The following LYPLAL1 variants were observed in gnomAD, a reference collection of about 807,000 sequenced individuals.
LYPLAL1 encodes lysophospholipase like 1, also known as lysophospholipase-like protein 1.
Under a neutral mutation model 19.7 loss-of-function variants are expected in LYPLAL1, and 23 were observed. The observed-to-expected ratio is 1.17, with a 90% CI of 0.84 to 1.65. The LOEUF is 1.65. Ranked by LOEUF, LYPLAL1 falls within the 40% of genes most tolerant of loss-of-function variation. The pLI, the probability that LYPLAL1 is intolerant of heterozygous loss-of-function variation, is 0.00. For missense variants in LYPLAL1, 355 were observed against 279.4 expected (o/e 1.27, Z -1.93); for synonymous variants, 119 against 96.3 (o/e 1.24, Z -1.38).
chr1:219,346,837 G>A, the LYPLAL1 span, among the ~76,000 whole-genome samples: 1 of 152,222 alleles, frequency 6.6e-6, no homozygotes, highest in African/African-American at 2.4e-5. Context: ...GGGAAACAGA[G>A]ACCAGGAAGA....
chr1:219,411,208 T>G, the LYPLAL1 span, among the ~76,000 whole-genome samples: 1 of 121,662 alleles, frequency 8.2e-6, no homozygotes, highest in Non-Finnish European at 1.9e-5. Context: ...GGTTTGTCAG[T>G]GCACCAATCG....
the LYPLAL1 span, among the ~76,000 whole-genome samples, chr1:219,289,082 T>TTTG: frequency 1.3e-5 from 2 of 150,298 alleles, no homozygotes; most frequent in East Asian, 1.9e-4. Context: ...TGTTTTGTTT[T>TTTG]TTTTGTTTTT....
chr1:219,380,866 A>G, the LYPLAL1 span, among the ~76,000 whole-genome samples: 1 of 152,188 alleles, frequency 6.6e-6, no homozygotes, highest in Admixed American at 6.5e-5. Context: ...AACAAATGGG[A>G]GAGGCTGTGT....
At chr1:219,301,145 A>G in the LYPLAL1 span, among the ~76,000 whole-genome samples, 2 of 152,048 alleles carry the variant, frequency 1.3e-5, no homozygotes, top group South Asian at 2.1e-4. Context: ...AACATTATTT[A>G]TTCTTCAGCA....
chr1:219,306,849 T>TAGATAGATAGATAGACAGACAGACAGAC, the LYPLAL1 span, among the ~76,000 whole-genome samples: 6 of 135,392 alleles, frequency 4.4e-5, no homozygotes, highest in South Asian at 2.5e-4. Context: ...GATAGATAGA[T>TAGATAGATAGATAGACAGACAGACAGAC]AGACAGACAG....
At chr1:219,269,019 G>A in the LYPLAL1 span, among the ~76,000 whole-genome samples, 1 of 152,226 alleles carries the variant, frequency 6.6e-6, no homozygotes, top group Non-Finnish European at 1.5e-5. Context: ...TGTCAAAGGT[G>A]ATGTAGCCGG....
Position 219,175,019 on chromosome 1 carries a change from G to T in LYPLAL1, c.91+1038G>T, listed in dbSNP as rs923645303. 6 of 985,310 alleles carry T rather than the reference G, an allele frequency of 6.1e-6. No homozygotes were observed. In the African/African-American group the frequency reaches 1.0e-4, roughly 17 times the overall value. The allele number at this position is 985,310 out of a possible 1,614,324, so 61.0% of individuals were successfully genotyped here. A position where few individuals can be genotyped will look rare whatever the true frequency, so the allele number is the denominator to read the frequency against. On this transcript the variant is annotated intron_variant, in intron 1 of 4. Transcript: ENST00000366928. ...AAGAAAGTGGTCTTTGAGCCGAGAC[G>T]GGTAGGCTTAAATGGGACGGTGATT...
chr1:219,422,049 A>G, the LYPLAL1 span, among the ~76,000 whole-genome samples: 1 of 152,200 alleles, frequency 6.6e-6, no homozygotes, highest in African/African-American at 2.4e-5. Flanking sequence ...AACACAACCT[A>G]CGCTGGTTGA....
the LYPLAL1 span, among the ~76,000 whole-genome samples, chr1:219,311,024 C>T: frequency 6.6e-6 from 1 of 152,188 alleles, no homozygotes; most frequent in South Asian, 2.1e-4. Context: ...TTGTCTTTGG[C>T]TTATCCATTC....
chr1:219,416,109 CAT>C, the LYPLAL1 span, among the ~76,000 whole-genome samples: 2 of 152,200 alleles, frequency 1.3e-5, no homozygotes, highest in Non-Finnish European at 2.9e-5. Context: ...TTACTAATAA[CAT>C]GTTATTAATG....
At chr1:219,325,027 C>G in the LYPLAL1 span, among the ~76,000 whole-genome samples, 1 of 152,144 alleles carries the variant, frequency 6.6e-6, no homozygotes, top group South Asian at 2.1e-4. Flanking sequence ...TAGACTGAGG[C>G]TAGTTCCTAT....
the LYPLAL1 span, among the ~76,000 whole-genome samples, chr1:219,412,985 G>T: frequency 6.6e-6 from 1 of 152,116 alleles, no homozygotes; most frequent in Admixed American, 6.5e-5. Context: ...ATCTATTTGT[G>T]ATTGCATCTT....
chr1:219,273,372 T>G, the LYPLAL1 span: 1 of 152,236 alleles, frequency 6.6e-6, no homozygotes, highest in African/African-American at 2.4e-5. Flanking sequence ...TCAATAAACT[T>G]CATTCATAAT....
chr1:219,428,439 C>T, the LYPLAL1 span, among the ~76,000 whole-genome samples: 5 of 152,224 alleles, frequency 3.3e-5, no homozygotes, highest in Admixed American at 1.3e-4. Context: ...CAGCGTAGCT[C>T]ATCAGTTAAA....
At chr1:219,420,603 T>TG in the LYPLAL1 span, among the ~76,000 whole-genome samples, 1 of 150,626 alleles carries the variant, frequency 6.6e-6, no homozygotes, top group Non-Finnish European at 1.5e-5. Flanking sequence ...CATAGCCTAA[T>TG]TTTTTTTTTC....
chr1:219,195,982 ATCCT>A (rs1232946665), intron 3 of LYPLAL1, among the ~76,000 whole-genome samples: 5 of 152,200 alleles, frequency 3.3e-5, no homozygotes, highest in Non-Finnish European at 7.4e-5. Flanking sequence ...TTCCAGCTCC[ATCCT>A]TGTCCCTGCA....
chr1:219,431,489 G>A, the LYPLAL1 span, among the ~76,000 whole-genome samples: 1 of 152,316 alleles, frequency 6.6e-6, no homozygotes, highest in East Asian at 1.9e-4. Context: ...GGCATTTGGT[G>A]GCCAGATCTT....
chr1:219,430,090 A>G, the LYPLAL1 span, among the ~76,000 whole-genome samples: 1 of 152,126 alleles, frequency 6.6e-6, no homozygotes, highest in Non-Finnish European at 1.5e-5. Context: ...ACACAGGAGT[A>G]TGAGACTAGC....
At chr1:219,204,154 A>G (rs1658352596) in intron 3 of LYPLAL1, among the ~76,000 whole-genome samples, 1 of 152,194 alleles carries the variant, frequency 6.6e-6, no homozygotes, top group Non-Finnish European at 1.5e-5. Flanking sequence ...TGATTTTTTA[A>G]AATTTATTTT....
Sources: gnomAD v4.1 joint callset for allele counts (sites outside exome capture counted in the v4.1 genomes callset) on GRCh38, gnomAD v4.1.1 for gene constraint, MANE v1.5 for transcripts, NCBI Gene and HGNC (gene_info 2026-07-23, HGNC 2026-07-21) for gene names.